Variants in NAV3 observed in about 807,000 individuals in gnomAD.
NAV3 encodes the protein neuron navigator 3, also known as pore membrane and/or filament interacting like protein 1.
NAV3 carries 87 observed loss-of-function variants against 244.7 expected under a neutral mutation model. The observed-to-expected ratio is 0.36, with a 90% CI of 0.30 to 0.42. The LOEUF (loss-of-function observed/expected upper bound fraction) is 0.42. NAV3 is among the 20% of genes least tolerant of loss of function. NAV3 has a pLI of 1.00. For missense variants in NAV3, 2,663 were observed against 2,893.3 expected (o/e 0.92, Z 1.83); for synonymous variants, 1,126 against 1,042.2 (o/e 1.08, Z -1.55).
At chr12:77,795,204 C>G (rs1396558896) in intron 2 of NAV3, among the ~76,000 whole-genome samples, 1 of 152,070 alleles carries the variant, frequency 6.6e-6, no homozygotes, top group Non-Finnish European at 1.5e-5. Context: ...AGCAAAACTG[C>G]CTTATTACTG....
intron 8 of NAV3, among the ~76,000 whole-genome samples, chr12:78,009,397 G>C (rs568970884): frequency 5.0e-4 from 65 of 129,526 alleles, no homozygotes; most frequent in Admixed American, 3.0e-4. Flanking sequence ...GTTGCAGTGA[G>C]CTGAGATCGT....
At chr12:77,695,873 C>T (rs1486907969) in intron 2 of NAV3, among the ~76,000 whole-genome samples, 3 of 152,034 alleles carry the variant, frequency 2.0e-5, no homozygotes, top group Non-Finnish European at 4.4e-5. Flanking sequence ...ATTTTGTGAT[C>T]AGATGTCACC....
chr12:77,803,596 C>A (rs1239575989), intron 2 of NAV3, among the ~76,000 whole-genome samples: 3 of 152,074 alleles, frequency 2.0e-5, no homozygotes, highest in Non-Finnish European at 4.4e-5. Context: ...ATATGTGTGC[C>A]TGTGTCTTTG....
At position 78,097,325 on chromosome 12, in the gene NAV3, C is replaced by T. The variant is rs568784304; in HGVS notation, c.2637-19447C>T. Among the ~76,000 whole-genome samples the T allele has an allele frequency of 1.3e-3, 193 of 152,164 alleles. 1 individual carries two copies. The highest frequency in any genetic ancestry group is 2.2e-3 in the Non-Finnish European group (147 of 68,026). ...TATCCATGCTTGCAATATAAGGAGA[C>T]AGCAGTTGGCTGTTTGTGCTAGAAA... On this transcript the variant is annotated intron_variant, in intron 12 of 39. Transcript: ENST00000397909.
intron 2 of NAV3, among the ~76,000 whole-genome samples, chr12:77,692,192 T>C (rs1340874164): frequency 1.3e-5 from 2 of 152,042 alleles, no homozygotes; most frequent in African/African-American, 2.4e-5. Flanking sequence ...GCATGAAATA[T>C]ATCTGTTTAT....
chr12:78,200,701 T>A (rs1165924220), intron 38 of NAV3, 110 bp downstream of exon 38: 1 of 532,222 alleles, frequency 1.9e-6, no homozygotes, highest in Non-Finnish European at 3.2e-6. Flanking sequence ...ACTAAAGGCA[T>A]GAACTATATG....
intron 13 of NAV3, among the ~76,000 whole-genome samples, chr12:78,117,158 C>CTT (rs1555292748): frequency 0.15 from 10,822 of 70,232 alleles, 2,409 homozygotes; most frequent in Non-Finnish European, 0.2. Flanking sequence ...ACAGAAGCAG[C>CTT]ATATATATAT....
At chr12:77,615,364 A>G (rs1871106548) in intron 2 of NAV3, among the ~76,000 whole-genome samples, 1 of 152,078 alleles carries the variant, frequency 6.6e-6, no homozygotes, top group African/African-American at 2.4e-5. Flanking sequence ...AGTGATCATG[A>G]TAGTACCTGA....
chr12:77,986,752 TTGA>T lies in NAV3; in HGVS notation c.672-8047_672-8045del, dbSNP rs551033496. Among the ~76,000 whole-genome samples the T allele has an allele frequency of 3.6e-4, 55 of 152,318 alleles. No individual in the cohort carries two copies. In the Middle Eastern group the frequency reaches 0.017, roughly 47 times the overall value. On this transcript the variant is annotated intron_variant, in intron 5 of 39. Transcript: ENST00000397909. ...TTATTAAAATTTTCTTAGCTGTGTA[TTGA>T]TGAAGGCATAGAGAGGAGATACAAA...
intron 2 of NAV3, among the ~76,000 whole-genome samples, chr12:77,707,234 G>T (rs1488287666): frequency 8.3e-6 from 1 of 120,846 alleles, no homozygotes; most frequent in Non-Finnish European, 1.6e-5. Context: ...ACAAGCCCTG[G>T]TGTGTGATGT....
chr12:77,947,694 T>G (rs1890491260), intron 3 of NAV3: 1 of 152,008 alleles, frequency 6.6e-6, no homozygotes, highest in Non-Finnish European at 1.5e-5. Context: ...AAATACTAAA[T>G]GAAAATCTTT....
chr12:78,093,627 A>G (rs554335088), intron 12 of NAV3, among the ~76,000 whole-genome samples: 1 of 152,300 alleles, frequency 6.6e-6, no homozygotes, highest in South Asian at 2.1e-4. Context: ...TTGCCAAGAC[A>G]AAGACACTCT....
intron 3 of NAV3, among the ~76,000 whole-genome samples, chr12:77,965,471 T>C (rs577822416): frequency 6.6e-6 from 1 of 152,162 alleles, no homozygotes; most frequent in East Asian, 1.9e-4. Flanking sequence ...TATAAAAAAT[T>C]AGCGGGGCGT....
chr12:78,032,327 T>C (rs1426495851), intron 9 of NAV3, among the ~76,000 whole-genome samples: 1 of 152,192 alleles, frequency 6.6e-6, no homozygotes, highest in African/African-American at 2.4e-5. Context: ...AGTAACTCAC[T>C]TGACATTATA....
At chr12:78,046,659 T>C (rs924721046) in intron 9 of NAV3, among the ~76,000 whole-genome samples, 9 of 152,216 alleles carry the variant, frequency 5.9e-5, no homozygotes, top group Admixed American at 5.9e-4. Context: ...AATTATGTGA[T>C]CAGTTTTAGA....
At chr12:78,124,204 G>C (rs555256195) in intron 16 of NAV3, among the ~76,000 whole-genome samples, 6 of 152,230 alleles carry the variant, frequency 3.9e-5, no homozygotes, top group African/African-American at 1.4e-4. Context: ...CAGAAATAAA[G>C]TCAAGTAACT....
chr12:77,849,124 T>C (rs75162582), intron 1 of NAV3, among the ~76,000 whole-genome samples: 1,750 of 152,300 alleles, frequency 0.011, 28 homozygotes, highest in African/African-American at 0.04. Context: ...GTAATTAAAA[T>C]TAAATTTATT....
intron 2 of NAV3, among the ~76,000 whole-genome samples, chr12:77,784,868 A>C (rs1264599499): frequency 6.6e-6 from 1 of 152,174 alleles, no homozygotes; most frequent in African/African-American, 2.4e-5. Flanking sequence ...TCAGTAGTAG[A>C]ACTCAGTCCA....
At chr12:77,696,811 A>G (rs571077949) in intron 2 of NAV3, among the ~76,000 whole-genome samples, 31 of 152,314 alleles carry the variant, frequency 2.0e-4, no homozygotes, top group African/African-American at 7.2e-4. Flanking sequence ...ATGCTTGAAT[A>G]TAAGCATACT....
Sources: allele counts gnomAD v4.1 joint callset (sites outside exome capture counted in the v4.1 genomes callset), GRCh38; gene constraint gnomAD v4.1.1; transcripts MANE v1.5; gene names NCBI Gene and HGNC (gene_info 2026-07-23, HGNC 2026-07-21).